Variants in RPS6KA2 observed in about 807,000 individuals in gnomAD.
The protein encoded by RPS6KA2 is ribosomal protein S6 kinase alpha-2.
In RPS6KA2, 42 loss-of-function variants were observed where a neutral mutation model predicts 91.8. That is an observed-to-expected ratio of 0.46 (90% CI 0.36 to 0.59). RPS6KA2 has a LOEUF of 0.59. RPS6KA2 is among the 20% of genes least tolerant of loss of function. RPS6KA2 has a pLI of 0.00. For synonymous variants in RPS6KA2, 414 were observed against 393.6 expected, an observed-to-expected ratio of 1.05 and a Z score of -0.61; for missense variants, 798 against 978.5, an observed-to-expected ratio of 0.82 and a Z score of 2.46.
intron 17 of RPS6KA2, among the ~76,000 whole-genome samples, chr6:166,422,765 C>T (rs1258915048): frequency 1.3e-5 from 2 of 152,144 alleles, no homozygotes; most frequent in Non-Finnish European, 2.9e-5. Flanking sequence ...CACCCCGGAG[C>T]CCTGCGGTTC....
intron 2 of RPS6KA2, among the ~76,000 whole-genome samples, chr6:166,801,957 A>T (rs845656): frequency 0.62 from 94,672 of 151,710 alleles, 29,665 homozygotes; most frequent in Non-Finnish European, 0.64. Flanking sequence ...AAAAAAAAAA[A>T]TTTTTAAATC....
At chr6:166,661,341 C>T (rs1473956325) in intron 2 of RPS6KA2, among the ~76,000 whole-genome samples, 3 of 152,208 alleles carry the variant, frequency 2.0e-5, no homozygotes, top group Non-Finnish European at 4.4e-5. Flanking sequence ...CTCAGGCGAT[C>T]CGCCCGCCTC....
intron 2 of RPS6KA2, among the ~76,000 whole-genome samples, chr6:166,534,275 T>C (rs1349468808): frequency 6.9e-6 from 1 of 144,870 alleles, no homozygotes; most frequent in East Asian, 2.0e-4. Context: ...TAGTTGAGTG[T>C]GGTGGTTGGT....
At chr6:166,550,892 T>G (rs926856361) in intron 1 of RPS6KA2, among the ~76,000 whole-genome samples, 3 of 150,202 alleles carry the variant, frequency 2.0e-5, no homozygotes, top group African/African-American at 7.3e-5. Flanking sequence ...TCCCAGCTAC[T>G]CGGGAGGCTG....
chr6:166,751,591 C>T (rs900741247), intron 2 of RPS6KA2, among the ~76,000 whole-genome samples: 9 of 152,200 alleles, frequency 5.9e-5, no homozygotes, highest in African/African-American at 1.7e-4. Context: ...ACGGCTGGGC[C>T]GCCACTGGAG....
At chr6:166,636,030 C>T (rs1261928041) in intron 2 of RPS6KA2, among the ~76,000 whole-genome samples, 1 of 152,174 alleles carries the variant, frequency 6.6e-6, no homozygotes, top group Non-Finnish European at 1.5e-5. Flanking sequence ...TACTTTCTTG[C>T]CAGTAAAGTA....
chr6:166,673,507 G>T (rs1024905199), intron 2 of RPS6KA2, among the ~76,000 whole-genome samples: 1 of 152,114 alleles, frequency 6.6e-6, no homozygotes, highest in East Asian at 1.9e-4. Flanking sequence ...ACAGCCCTAC[G>T]GACTCCCAGC....
intron 2 of RPS6KA2, among the ~76,000 whole-genome samples, chr6:166,783,841 T>C (rs986472059): frequency 4.2e-5 from 3 of 72,270 alleles, no homozygotes; most frequent in African/African-American, 8.2e-5. Flanking sequence ...CGTGCACACC[T>C]ATCTATACCA....
intron 16 of RPS6KA2, 52 bp downstream of exon 16, chr6:166,430,401 C>T: frequency 6.5e-7 from 1 of 1,546,918 alleles, no homozygotes; most frequent in South Asian, 1.2e-5. Context: ...GGTTTTGGTT[C>T]CTGCCCTGAA....
intron 10 of RPS6KA2, 123 bp from the exon 11 acceptor site, chr6:166,470,028 G>C: frequency 1.2e-6 from 1 of 856,616 alleles, no homozygotes; most frequent in East Asian, 2.6e-5. Flanking sequence ...GAGCCCAGAG[G>C]CTGCTCACTC....
At chr6:166,623,407 T>C (rs1289714306) in intron 1 of RPS6KA2, among the ~76,000 whole-genome samples, 2 of 152,238 alleles carry the variant, frequency 1.3e-5, no homozygotes, top group African/African-American at 2.4e-5. Context: ...AGTGGACCTA[T>C]GGTTCTGCTA....
chr6:166,680,531 G>C (rs943720099), intron 2 of RPS6KA2, among the ~76,000 whole-genome samples: 3 of 152,138 alleles, frequency 2.0e-5, no homozygotes, highest in Admixed American at 2.0e-4. Context: ...TGCCGCTTTT[G>C]TGAACTGTAA....
chr6:166,789,484 A>G (rs1779025110), intron 2 of RPS6KA2, among the ~76,000 whole-genome samples: 1 of 152,222 alleles, frequency 6.6e-6, no homozygotes, highest in Non-Finnish European at 1.5e-5. Flanking sequence ...GCAGACTTAA[A>G]TGTCCCTGTC....
chr6:166,600,838 G>A (rs1380031324), intron 1 of RPS6KA2, among the ~76,000 whole-genome samples: 1 of 152,196 alleles, frequency 6.6e-6, no homozygotes, highest in African/African-American at 2.4e-5. Context: ...TTTGAAATTG[G>A]TCTTATCAAA....
chr6:166,524,062 G>A (rs1782945911), intron 3 of RPS6KA2, among the ~76,000 whole-genome samples: 1 of 152,158 alleles, frequency 6.6e-6, no homozygotes, highest in Non-Finnish European at 1.5e-5. Flanking sequence ...AGCATCTCCT[G>A]ACTGCCGTGG....
chr6:166,506,241 C>A (rs1049925207), intron 5 of RPS6KA2, among the ~76,000 whole-genome samples: 1 of 152,192 alleles, frequency 6.6e-6, no homozygotes, highest in African/African-American at 2.4e-5. Context: ...CTGTGGTGCC[C>A]GCCCTGGACA....
At chr6:166,736,781 A>G (rs1348714994) in intron 2 of RPS6KA2, among the ~76,000 whole-genome samples, 2 of 152,238 alleles carry the variant, frequency 1.3e-5, no homozygotes, top group South Asian at 4.1e-4. Flanking sequence ...AGCTGGAAGC[A>G]GGAAGACCAG....
In RPS6KA2 at chr6:166,419,912, A is replaced by G; in HGVS notation, c.1790T>C (p.Leu597Ser). The G allele has an allele frequency of 6.2e-7, 1 of 1,614,002 alleles. No individual in the cohort carries two copies. The highest frequency in any genetic ancestry group is 8.5e-7 in the Non-Finnish European group (1 of 1,179,914). Residue 597 changes from leucine (L) to serine (S), a missense_variant, in exon 18 of 21, where the codon TTG (leucine) becomes TCG (serine). Leu to Ser is a moderately radical substitution (Grantham distance 145). Transcript: ENST00000265678. This position sits in a 1 kb window ranked among gnomAD's most constrained non-coding sequence, Gnocchi z 5.6. The part of the protein sequence containing the change: ...GYDAACDIWS[L>S]GILLYTMLAG... ...CAGCATGGTGTACAACAGGATCCCCAAACTCCAGATGTCACACGCCGCATC... is the reference window on the plus strand; with the variant it reads ...CAGCATGGTGTACAACAGGATCCCCGAACTCCAGATGTCACACGCCGCATC...
At chr6:166,552,159 G>A (rs1166564971) in intron 1 of RPS6KA2, among the ~76,000 whole-genome samples, 1 of 152,220 alleles carries the variant, frequency 6.6e-6, no homozygotes, top group African/African-American at 2.4e-5. Context: ...CAGGGGCTGT[G>A]CATGGATTAA....
Sources: gnomAD v4.1 joint callset for allele counts (sites outside exome capture counted in the v4.1 genomes callset) on GRCh38, gnomAD v4.1.1 for gene constraint, Gnocchi (gnomAD v3.1) non-coding constraint, MANE v1.5 for transcripts, NCBI Gene and HGNC (gene_info 2026-07-23, HGNC 2026-07-21) for gene names.